ZNF385D: variants seen among roughly 807,000 people sequenced by gnomAD.
ZNF385D encodes the protein zinc finger protein 659.
Under a neutral mutation model 35.8 loss-of-function variants are expected in ZNF385D, and 15 were observed. The ratio of observed to expected loss-of-function variants is 0.42; its 90% CI spans 0.28 to 0.64. The LOEUF (loss-of-function observed/expected upper bound fraction) is 0.64. Ranked by LOEUF, ZNF385D falls within the 30% of genes least tolerant of loss-of-function variation. The probability of loss-of-function intolerance (pLI) is 0.23; values close to 1 mark genes in which losing one functional copy is unlikely to be tolerated. For synonymous variants in ZNF385D, 212 were observed against 186.8 expected (o/e 1.13, Z -1.10); for missense variants, 474 against 494.6 (o/e 0.96, Z 0.39).
chr3:21,487,979 TAAAATC>T (rs941729437), intron 4 of ZNF385D, among the ~76,000 whole-genome samples: 6 of 152,144 alleles, frequency 3.9e-5, no homozygotes, highest in Admixed American at 3.3e-4. Flanking sequence ...CTTTAGTTGT[TAAAATC>T]AAGCCAGTTT....
At chr3:21,821,741 A>G (rs1008126637) in intron 3 of ZNF385D, among the ~76,000 whole-genome samples, 7 of 152,134 alleles carry the variant, frequency 4.6e-5, no homozygotes, top group Non-Finnish European at 7.4e-5. Flanking sequence ...CAGGAGGACC[A>G]TGTCAGCTCA....
intron 3 of ZNF385D, among the ~76,000 whole-genome samples, chr3:21,831,477 T>C (rs953067564): frequency 1.9e-4 from 29 of 152,350 alleles, no homozygotes; most frequent in African/African-American, 5.8e-4. Context: ...AAGAAATCCT[T>C]AGCTTTGTTC....
At chr3:21,700,162 C>T (rs972942044) in intron 1 of ZNF385D, among the ~76,000 whole-genome samples, 19 of 151,874 alleles carry the variant, frequency 1.3e-4, no homozygotes, top group Non-Finnish European at 8.8e-5. Context: ...TATCAGGTAG[C>T]GCAGGGCTAG....
At chr3:21,978,992 A>G (rs185596056) in intron 3 of ZNF385D, among the ~76,000 whole-genome samples, 37 of 152,326 alleles carry the variant, frequency 2.4e-4, no homozygotes, top group Admixed American at 2.1e-3. Flanking sequence ...TTTGCTCAGT[A>G]TGCAGCTTCC....
At chr3:22,000,397 G>A (rs982861893) in intron 3 of ZNF385D, among the ~76,000 whole-genome samples, 1 of 152,116 alleles carries the variant, frequency 6.6e-6, no homozygotes, top group African/African-American at 2.4e-5. Flanking sequence ...CCAGTGCCAT[G>A]ACAGTTTACA....
At chr3:21,765,653 ATAG>A (rs376878248) in intron 3 of ZNF385D, among the ~76,000 whole-genome samples, 2,331 of 151,704 alleles carry the variant, frequency 0.015, 71 homozygotes, top group African/African-American at 0.053. Context: ...CAAAAAAAAA[ATAG>A]AAAGAGGAAG....
intron 2 of ZNF385D, among the ~76,000 whole-genome samples, chr3:21,580,617 A>G (rs529823240): frequency 6.6e-6 from 1 of 152,168 alleles, no homozygotes; most frequent in East Asian, 1.9e-4. Context: ...ATAATGATGT[A>G]TGGAATGGCT....
chr3:21,972,977 AT>A (rs1179819334), intron 3 of ZNF385D, among the ~76,000 whole-genome samples: 1 of 151,978 alleles, frequency 6.6e-6, no homozygotes. Context: ...TCATTGCTGA[AT>A]TTTACCAAAG....
At chr3:22,311,376 C>T (rs1703539563) in intron 2 of ZNF385D, among the ~76,000 whole-genome samples, 1 of 151,914 alleles carries the variant, frequency 6.6e-6, no homozygotes, top group African/African-American at 2.4e-5. Context: ...GATTAGGTTG[C>T]TTTTTGGGTT....
At chr3:21,846,767 G>A (rs1424229180) in intron 3 of ZNF385D, among the ~76,000 whole-genome samples, 1 of 151,978 alleles carries the variant, frequency 6.6e-6, no homozygotes, top group Non-Finnish European at 1.5e-5. Context: ...CTTTCTAGCG[G>A]CTTAATGGTG....
intron 1 of ZNF385D, among the ~76,000 whole-genome samples, chr3:21,709,716 T>C (rs1220495370): frequency 1.3e-5 from 2 of 152,202 alleles, no homozygotes; most frequent in African/African-American, 4.8e-5. Flanking sequence ...TCAATATTTA[T>C]TGTAAAAGTA....
At chr3:21,782,961 G>A (rs374692882) in intron 3 of ZNF385D, among the ~76,000 whole-genome samples, 4 of 151,996 alleles carry the variant, frequency 2.6e-5, no homozygotes, top group African/African-American at 4.8e-5. Flanking sequence ...ATTCCAACTC[G>A]AAGAAGCTAA....
chr3:22,107,735 T>C (rs1010208517), intron 3 of ZNF385D, among the ~76,000 whole-genome samples: 1 of 152,148 alleles, frequency 6.6e-6, no homozygotes, highest in Non-Finnish European at 1.5e-5. Context: ...CGCTGTATGA[T>C]GTCAACTGTA....
intron 3 of ZNF385D, among the ~76,000 whole-genome samples, chr3:22,070,116 T>C (rs1430382354): frequency 1.3e-5 from 2 of 152,226 alleles, no homozygotes; most frequent in Admixed American, 6.5e-5. Context: ...ATTTTAATAA[T>C]TTCCCACAAA....
At chr3:22,040,076 T>A (rs1398613115) in intron 3 of ZNF385D, among the ~76,000 whole-genome samples, 1 of 152,176 alleles carries the variant, frequency 6.6e-6, no homozygotes, top group East Asian at 1.9e-4. Context: ...AAGATTTCAG[T>A]GTGTACCTAA....
intron 3 of ZNF385D, among the ~76,000 whole-genome samples, chr3:21,910,258 A>G (rs1314234979): frequency 6.6e-6 from 1 of 151,930 alleles, no homozygotes; most frequent in Non-Finnish European, 1.5e-5. Flanking sequence ...GCCAGGCATT[A>G]TATCTGTTCT....
chr3:21,806,848 T>G (rs1377571578), intron 3 of ZNF385D, among the ~76,000 whole-genome samples: 1 of 152,156 alleles, frequency 6.6e-6, no homozygotes, highest in Non-Finnish European at 1.5e-5. Context: ...ACTTCAGACT[T>G]TGTGAATCAA....
rs1358252589 is a variant in ZNF385D at position 22,050,871 on chromosome 3, T to TACAG, written c.325+117945_325+117946insCTGT. Among the ~76,000 whole-genome samples the TACAG allele has an allele frequency of 2.0e-3, 191 of 97,044 alleles. 20 individuals are homozygous for TACAG. Among genetic ancestry groups the TACAG allele is most frequent in the South Asian group, 6.1e-3 (14 of 2,278 alleles). The allele number at this position is 97,044 out of a possible 152,430, so 63.7% of individuals were successfully genotyped here. A position where few individuals can be genotyped will look rare whatever the true frequency, so the allele number is the denominator to read the frequency against. On this transcript the variant is annotated intron_variant, in intron 3 of 5. Transcript: ENST00000494108. ...TCTGACCCTTAAAAATTCAATGTGTTATAATTTCTGTTCTTTTACATTTGC... is the reference window on the plus strand; with the variant it reads ...TCTGACCCTTAAAAATTCAATGTGTTACAGATAATTTCTGTTCTTTTACATTTGC...
chr3:21,631,475 A>G (rs146980086), intron 2 of ZNF385D, among the ~76,000 whole-genome samples: 5 of 152,248 alleles, frequency 3.3e-5, no homozygotes, highest in African/African-American at 1.2e-4. Context: ...ATTTTTTAAA[A>G]ATCCCTCTTT....
Sources: gnomAD v4.1 joint callset for allele counts (sites outside exome capture counted in the v4.1 genomes callset) on GRCh38, gnomAD v4.1.1 for gene constraint, MANE v1.5 for transcripts, NCBI Gene and HGNC (gene_info 2026-07-23, HGNC 2026-07-21) for gene names.